NEK10: variants seen among roughly 807,000 people sequenced by gnomAD.
The protein encoded by NEK10 is NIMA related kinase 10, also known as serine/threonine-protein kinase Nek10.
Under a neutral mutation model 159.8 loss-of-function variants are expected in NEK10, and 122 were observed. That is an observed-to-expected ratio of 0.76 (90% CI 0.66 to 0.89). The LOEUF (loss-of-function observed/expected upper bound fraction) is 0.89, where lower values mean the gene tolerates loss of function less well. Among genes scored for constraint, NEK10 ranks in the 40% least tolerant of loss-of-function variants. NEK10 has a pLI of 0.00. For synonymous variants in NEK10, 466 were observed against 457.1 expected, an observed-to-expected ratio of 1.02 and a Z score of -0.25; for missense variants, 1,342 against 1,323.1, an observed-to-expected ratio of 1.01 and a Z score of -0.22.
At chr3:27,135,866 GC>G (rs1375392511) in intron 31 of NEK10, among the ~76,000 whole-genome samples, 1 of 152,118 alleles carries the variant, frequency 6.6e-6, no homozygotes, top group Non-Finnish European at 1.5e-5. Flanking sequence ...GGTCACCCTT[GC>G]CATTAGTACA....
chr3:27,227,884 C>T (rs1295329139), intron 23 of NEK10, among the ~76,000 whole-genome samples: 1 of 152,146 alleles, frequency 6.6e-6, no homozygotes, highest in African/African-American at 2.4e-5. Flanking sequence ...GGTATAATAG[C>T]GTGGCAGGCA....
intron 3 of NEK10, among the ~76,000 whole-genome samples, chr3:27,348,485 T>C (rs1220253813): frequency 2.6e-5 from 4 of 152,188 alleles, no homozygotes; most frequent in Middle Eastern, 3.2e-3. Flanking sequence ...GCACTTCATA[T>C]GAAAGAAATG....
intron 22 of NEK10, among the ~76,000 whole-genome samples, chr3:27,281,236 G>A (rs2149443229): frequency 6.6e-6 from 1 of 151,900 alleles, no homozygotes; most frequent in South Asian, 2.1e-4. Flanking sequence ...AGACTAAAAA[G>A]ATTCTAAAAA....
chr3:27,310,862 T>C, intron 9 of NEK10, 87 bp downstream of exon 9: 1 of 780,800 alleles, frequency 1.3e-6, no homozygotes, highest in Non-Finnish European at 2.2e-6. Flanking sequence ...TAATTACACA[T>C]GACTTAACCG....
chr3:27,111,344 A>C, intron 35 of NEK10, 24 bp from the exon 36 acceptor site: 1 of 1,548,314 alleles, frequency 6.5e-7, no homozygotes, highest in Non-Finnish European at 8.8e-7. Context: ...AAGTGGAAAG[A>C]ATTCTCTATA....
intron 23 of NEK10, among the ~76,000 whole-genome samples, chr3:27,249,684 T>C (rs1955456172): frequency 6.6e-6 from 1 of 152,148 alleles, no homozygotes; most frequent in African/African-American, 2.4e-5. Context: ...GGCCACTCTG[T>C]CTTTTGATTG....
intron 5 of NEK10, among the ~76,000 whole-genome samples, chr3:27,342,752 A>G (rs2047286532): frequency 6.6e-6 from 1 of 152,060 alleles, no homozygotes; most frequent in African/African-American, 2.4e-5. Context: ...CCTTCCCCCA[A>G]AGTATTGACC....
At chr3:27,337,633 C>A (rs1377905334) in intron 5 of NEK10, among the ~76,000 whole-genome samples, 2 of 151,836 alleles carry the variant, frequency 1.3e-5, no homozygotes, top group Admixed American at 1.3e-4. Context: ...TAGAGAACCC[C>A]AAAACAAATC....
intron 23 of NEK10, chr3:27,206,687 C>A: frequency 1.1e-6 from 1 of 952,074 alleles, no homozygotes; most frequent in South Asian, 4.8e-5. Flanking sequence ...GAGATGAAGG[C>A]TCTGTTACAA....
At position 27,318,586 on chromosome 3, in the gene NEK10, T is replaced by G. The variant is rs143848484; in HGVS notation, c.447+3591A>C. On this transcript the variant is annotated intron_variant, in intron 6 of 35. Coordinates refer to ENST00000691995, the MANE Select transcript of NEK10 (RefSeq NM_001394966.1). ...CTGCCAGGGCCATGATGTCATGAGATGTTGTGTAGCTTAGGGAAAATCCCA... is the reference window on the plus strand; with the variant it reads ...CTGCCAGGGCCATGATGTCATGAGAGGTTGTGTAGCTTAGGGAAAATCCCA... 6.1e-4 allele frequency among the ~76,000 whole-genome samples: 93 copies of G among 152,372 alleles called. 1 individual carries two copies. Among genetic ancestry groups the G allele is most frequent in the African/African-American group, 2.1e-3 (89 of 41,596 alleles).
At chr3:27,285,923 T>C (rs1285968479) in intron 20 of NEK10, among the ~76,000 whole-genome samples, 1 of 152,208 alleles carries the variant, frequency 6.6e-6, no homozygotes, top group Non-Finnish European at 1.5e-5. Flanking sequence ...TAGACATTTA[T>C]ATTGTTTCCA....
intron 28 of NEK10, among the ~76,000 whole-genome samples, chr3:27,173,519 G>A (rs2148876907): frequency 6.6e-6 from 1 of 152,290 alleles, no homozygotes; most frequent in East Asian, 1.9e-4. Flanking sequence ...TGAAAACTGG[G>A]GTTGTCCCAG....
chr3:27,220,343 T>C (rs1951975046), intron 23 of NEK10, among the ~76,000 whole-genome samples: 3 of 152,234 alleles, frequency 2.0e-5, no homozygotes, highest in South Asian at 4.1e-4. Flanking sequence ...CCCACATTCC[T>C]TGGCTTATGG....
intron 1 of NEK10, among the ~76,000 whole-genome samples, chr3:27,366,027 C>T (rs1462998585): frequency 6.6e-6 from 1 of 152,160 alleles, no homozygotes; most frequent in Admixed American, 6.5e-5. Context: ...ACCCTGTCCA[C>T]AAGCTGATGA....
chr3:27,275,727 C>T (rs1021582172), intron 22 of NEK10, among the ~76,000 whole-genome samples: 5 of 152,128 alleles, frequency 3.3e-5, no homozygotes, highest in Non-Finnish European at 7.4e-5. Context: ...ATCAGAAATG[C>T]AATACTAACT....
At chr3:27,293,694 A>C in intron 15 of NEK10, 42 bp from the exon 16 acceptor site, 3 of 1,014,200 alleles carry the variant, frequency 3.0e-6, no homozygotes, top group Non-Finnish European at 3.0e-6. Flanking sequence ...TGGTAGCTCA[A>C]CAAATTAAAA....
chr3:27,213,138 C>T (rs1258840750), intron 23 of NEK10, among the ~76,000 whole-genome samples: 2 of 152,208 alleles, frequency 1.3e-5, no homozygotes, highest in African/African-American at 2.4e-5. Flanking sequence ...GCTCAACCCA[C>T]TCCCACCTGT....
chr3:27,226,956 C>T (rs1172825843), intron 23 of NEK10, among the ~76,000 whole-genome samples: 1 of 152,072 alleles, frequency 6.6e-6, no homozygotes, highest in Non-Finnish European at 1.5e-5. Flanking sequence ...GTATATCCTA[C>T]CTCCCATTTC....
chr3:27,279,006 G>T, intron 22 of NEK10: 1 of 733,346 alleles, frequency 1.4e-6, no homozygotes, highest in Non-Finnish European at 1.7e-6. Flanking sequence ...GCCATCAAAA[G>T]ATAGTCTTTC....
Sources: gnomAD v4.1 joint callset for allele counts (sites outside exome capture counted in the v4.1 genomes callset) on GRCh38, gnomAD v4.1.1 for gene constraint, MANE v1.5 for transcripts, NCBI Gene and HGNC (gene_info 2026-07-23, HGNC 2026-07-21) for gene names.